Variants in TUSC3 observed in about 807,000 individuals in gnomAD.
TUSC3 encodes tumor suppressor candidate 3, also known as dolichyl-diphosphooligosaccharide--protein glycosyltransferase subunit TUSC3.
TUSC3 carries 45 observed loss-of-function variants against 44.8 expected under a neutral mutation model. The ratio of observed to expected loss-of-function variants is 1.00; its 90% confidence interval spans 0.79 to 1.29. The LOEUF (loss-of-function observed/expected upper bound fraction) is 1.29, where lower values mean the gene tolerates loss of function less well. Ranked by LOEUF, TUSC3 falls within the 50% of genes most tolerant of loss-of-function variation. The pLI is 0.00. For synonymous variants in TUSC3, 212 were observed against 152.9 expected (o/e 1.39, Z -2.85); for missense variants, 519 against 437.9 (o/e 1.19, Z -1.65).
At chr8:15,495,675 T>A (rs1404935924) in intron 2 of TUSC3, among the ~76,000 whole-genome samples, 1 of 152,122 alleles carries the variant, frequency 6.6e-6, no homozygotes, top group Admixed American at 6.5e-5. Flanking sequence ...CTCCACCAAG[T>A]ATACCTGCCA....
At chr8:15,734,210 A>T (rs1178487976) in intron 7 of TUSC3, among the ~76,000 whole-genome samples, 1 of 152,182 alleles carries the variant, frequency 6.6e-6, no homozygotes, top group Non-Finnish European at 1.5e-5. Context: ...TAGAGAGAAC[A>T]TTTCTATCTT....
intron 2 of TUSC3, among the ~76,000 whole-genome samples, chr8:15,630,850 A>G (rs181022111): frequency 6.6e-6 from 1 of 152,204 alleles, no homozygotes; most frequent in Admixed American, 6.5e-5. Flanking sequence ...AGAGCCTATC[A>G]CCCTTTTGTT....
intron 6 of TUSC3, among the ~76,000 whole-genome samples, chr8:15,717,889 A>C (rs2129202590): frequency 6.6e-6 from 1 of 152,216 alleles, no homozygotes; most frequent in East Asian, 1.9e-4. Flanking sequence ...TTGAGTGTTA[A>C]ACAAAATACT....
intron 10 of TUSC3, among the ~76,000 whole-genome samples, chr8:15,759,912 C>G (rs943865318): frequency 1.3e-5 from 2 of 152,136 alleles, no homozygotes; most frequent in South Asian, 2.1e-4. Flanking sequence ...AGATGGAAAT[C>G]TTGAAGTCAT....
In TUSC3 at chr8:15,633,120, A is replaced by G. The variant is rs540563025; in HGVS notation, c.308+9871A>G. On this transcript the variant is annotated intron_variant, in intron 2 of 10. Transcript: ENST00000503731. ...TGTGTGTGTGTATATAGATGTGTAT[A>G]CGTATTTTAAAATTATGACTTCAGT... 4.6e-5 allele frequency among the ~76,000 whole-genome samples: 7 copies of G among 152,292 alleles called. No individual in the cohort carries two copies. The South Asian group carries it at 1.4e-3, about 32-fold the overall frequency.
At chr8:15,637,033 T>C (rs1233746658) in intron 2 of TUSC3, among the ~76,000 whole-genome samples, 1 of 152,242 alleles carries the variant, frequency 6.6e-6, no homozygotes, top group African/African-American at 2.4e-5. Flanking sequence ...TCTGCTATAC[T>C]ATGTCTTACA....
chr8:15,526,994 G>A (rs924748075), intron 2 of TUSC3, among the ~76,000 whole-genome samples: 2 of 152,128 alleles, frequency 1.3e-5, no homozygotes, highest in African/African-American at 4.8e-5. Flanking sequence ...TTCAAATTTT[G>A]TTGTGAATTC....
chr8:15,671,513 T>C (rs1356797129), intron 5 of TUSC3, among the ~76,000 whole-genome samples: 6 of 152,126 alleles, frequency 3.9e-5, no homozygotes, highest in Non-Finnish European at 7.4e-5. Context: ...TTGTTTCTTA[T>C]GAAAAGTGCC....
intron 5 of TUSC3, among the ~76,000 whole-genome samples, chr8:15,664,825 T>A (rs916387033): frequency 6.7e-6 from 1 of 150,010 alleles, no homozygotes; most frequent in African/African-American, 2.4e-5. Flanking sequence ...TTTATGTAAA[T>A]AATTTGTATA....
chr8:15,734,956 G>A (rs1171410713), intron 7 of TUSC3, among the ~76,000 whole-genome samples: 2 of 152,178 alleles, frequency 1.3e-5, no homozygotes, highest in Non-Finnish European at 1.5e-5. Context: ...TTAGCTACAC[G>A]TAGTAGATGC....
intron 2 of TUSC3, among the ~76,000 whole-genome samples, chr8:15,524,509 TTAAA>T (rs1279867882): frequency 2.0e-5 from 3 of 152,178 alleles, no homozygotes; most frequent in Admixed American, 1.3e-4. Context: ...TATTTTTTTC[TTAAA>T]TAAATAATAG....
At chr8:15,832,807 G>C in the TUSC3 span, among the ~76,000 whole-genome samples, 1 of 152,080 alleles carries the variant, frequency 6.6e-6, no homozygotes, top group African/African-American at 2.4e-5. Context: ...CCTTTAAAGA[G>C]ACTTTTACTC....
chr8:15,843,677 A>G, the TUSC3 span, among the ~76,000 whole-genome samples: 2,773 of 150,838 alleles, frequency 0.018, 115 homozygotes, highest in African/African-American at 0.066. Context: ...AATTATCTAT[A>G]TCTATATGGT....
At chr8:15,456,944 C>G (rs781077040) in intron 1 of TUSC3, among the ~76,000 whole-genome samples, 1 of 152,062 alleles carries the variant, frequency 6.6e-6, no homozygotes, top group African/African-American at 2.4e-5. Context: ...CAAAGGGCAC[C>G]TTTATGAAAA....
At chr8:15,779,026 G>C in the TUSC3 span, among the ~76,000 whole-genome samples, 6 of 151,520 alleles carry the variant, frequency 4.0e-5, no homozygotes, top group African/African-American at 1.5e-4. Flanking sequence ...ACTGGAGTTG[G>C]AATAGTCTAT....
chr8:15,596,007 A>T (rs1804051149), intron 1 of TUSC3, among the ~76,000 whole-genome samples: 1 of 152,174 alleles, frequency 6.6e-6, no homozygotes, highest in African/African-American at 2.4e-5. Context: ...GGTTGTGGGT[A>T]AAATAGGTCC....
the TUSC3 span, among the ~76,000 whole-genome samples, chr8:15,782,988 C>T: frequency 6.6e-6 from 1 of 151,926 alleles, no homozygotes; most frequent in African/African-American, 2.4e-5. Flanking sequence ...CCAAAAAAAC[C>T]GTTATAACTA....
At position 15,766,001 on chromosome 8, in the gene TUSC3, T is replaced by C. The variant is rs1812315510; in HGVS notation, c.*1845T>C. 1 of 152,118 alleles carries C rather than the reference T, an allele frequency of 6.6e-6. No individual in the cohort carries two copies. The allele number at this position is 152,118 out of a possible 1,614,324, so 9.4% of individuals were successfully genotyped here. A position where few individuals can be genotyped will look rare whatever the true frequency, so the allele number is the denominator to read the frequency against. ...TTACAAATTATCTCTAATCTCACTG[T>C]AAATCTTTTAATCATATCAAAGTCA... On this transcript the variant is annotated 3_prime_UTR_variant, in exon 11 of 11. Coordinates refer to ENST00000503731, the MANE Select transcript of TUSC3 (RefSeq NM_006765.4).
chr8:15,845,138 C>A, the TUSC3 span, among the ~76,000 whole-genome samples: 1 of 152,030 alleles, frequency 6.6e-6, no homozygotes, highest in Non-Finnish European at 1.5e-5. Context: ...CAAGAAGAAA[C>A]CTCATCATTA....
Sources: gnomAD v4.1 joint callset for allele counts (sites outside exome capture counted in the v4.1 genomes callset) on GRCh38, gnomAD v4.1.1 for gene constraint, MANE v1.5 for transcripts, NCBI Gene and HGNC (gene_info 2026-07-23, HGNC 2026-07-21) for gene names.